ST6GALNAC3: variants seen among roughly 807,000 people sequenced by gnomAD.
ST6GALNAC3 encodes alpha-N-acetylgalactosaminide alpha-2,6-sialyltransferase 3.
Under a neutral mutation model 32.7 loss-of-function variants are expected in ST6GALNAC3, and 25 were observed. The ratio of observed to expected loss-of-function variants is 0.76; its 90% confidence interval spans 0.56 to 1.07. The LOEUF (loss-of-function observed/expected upper bound fraction) is 1.07. Ranked by LOEUF, ST6GALNAC3 falls within the 50% of genes least tolerant of loss-of-function variation. ST6GALNAC3 has a pLI of 0.00. For missense variants in ST6GALNAC3, 355 were observed against 382.4 expected (o/e 0.93, Z 0.60); for synonymous variants, 129 against 133.1 (o/e 0.97, Z 0.21).
At chr1:76,165,341 A>T (rs1292794545) in intron 1 of ST6GALNAC3, among the ~76,000 whole-genome samples, 1 of 152,072 alleles carries the variant, frequency 6.6e-6, no homozygotes, top group Non-Finnish European at 1.5e-5. Flanking sequence ...CCTGTAAAAG[A>T]TATGATCTTG....
At chr1:76,099,469 T>G (rs1442107099) in intron 1 of ST6GALNAC3, among the ~76,000 whole-genome samples, 1 of 152,194 alleles carries the variant, frequency 6.6e-6, no homozygotes, top group Non-Finnish European at 1.5e-5. Context: ...AGTATGTTTA[T>G]AAAATGTAAA....
At position 76,437,601 on chromosome 1, in the gene ST6GALNAC3, C is replaced by T. The variant is rs538189631; in HGVS notation, c.623+25184C>T. The stretch of plus-strand genomic sequence containing the variant: ...TTTTCTCTTTTTTTTTTTTTTGAGA[C>T]GGAGTCTCGCTCTGTCATCAGGCTG... On this transcript the variant is annotated intron_variant, in intron 3 of 4. Coordinates refer to ENST00000328299, the MANE Select transcript of ST6GALNAC3 (RefSeq NM_152996.4). Among the ~76,000 whole-genome samples, 9 of 134,716 alleles carry T rather than the reference C, an allele frequency of 6.7e-5. No homozygotes were observed. The East Asian group carries it at 1.5e-3, about 23-fold the overall frequency. The allele number at this position is 134,716 out of a possible 152,430, so 88.4% of individuals were successfully genotyped here. A position where few individuals can be genotyped will look rare whatever the true frequency, so the allele number is the denominator to read the frequency against.
At chr1:76,098,221 G>A (rs1481918402) in intron 1 of ST6GALNAC3, among the ~76,000 whole-genome samples, 1 of 152,192 alleles carries the variant, frequency 6.6e-6, no homozygotes, top group Non-Finnish European at 1.5e-5. Flanking sequence ...TCAGTTTTCT[G>A]CAACTTAAAT....
chr1:76,202,127 G>C (rs67740172), intron 1 of ST6GALNAC3, among the ~76,000 whole-genome samples: 12,717 of 151,956 alleles, frequency 0.084, 585 homozygotes, highest in African/African-American at 0.12. Context: ...GGGTGGCACA[G>C]AGAGAAACAA....
intron 1 of ST6GALNAC3, among the ~76,000 whole-genome samples, chr1:76,166,237 C>T (rs1200441470): frequency 6.6e-6 from 1 of 152,106 alleles, no homozygotes; most frequent in Non-Finnish European, 1.5e-5. Flanking sequence ...AGCCAATTAT[C>T]CCAGAACAAC....
At chr1:76,613,314 G>C (rs1648061514) in intron 3 of ST6GALNAC3, among the ~76,000 whole-genome samples, 1 of 152,098 alleles carries the variant, frequency 6.6e-6, no homozygotes, top group Non-Finnish European at 1.5e-5. Flanking sequence ...CCATTTTTTG[G>C]AGCTTCCTCT....
intron 1 of ST6GALNAC3, among the ~76,000 whole-genome samples, chr1:76,298,629 G>A (rs1660549816): frequency 6.6e-6 from 1 of 152,050 alleles, no homozygotes; most frequent in Non-Finnish European, 1.5e-5. Flanking sequence ...GTATCCCTTA[G>A]CAGAAGTATT....
At chr1:76,298,405 C>T (rs189414423) in intron 1 of ST6GALNAC3, among the ~76,000 whole-genome samples, 2 of 152,046 alleles carry the variant, frequency 1.3e-5, no homozygotes, top group East Asian at 3.9e-4. Flanking sequence ...TAAACCAAAT[C>T]CCAGAAGCAG....
intron 3 of ST6GALNAC3, among the ~76,000 whole-genome samples, chr1:76,537,287 A>G (rs928749779): frequency 6.6e-6 from 1 of 152,214 alleles, no homozygotes; most frequent in African/African-American, 2.4e-5. Context: ...AAAAACAAAG[A>G]GACAATGTAC....
At chr1:76,393,368 G>A (rs959142488) in intron 2 of ST6GALNAC3, among the ~76,000 whole-genome samples, 2 of 152,074 alleles carry the variant, frequency 1.3e-5, no homozygotes, top group Non-Finnish European at 2.9e-5. Context: ...GGCAGTGGGA[G>A]AACTTAGATC....
intron 3 of ST6GALNAC3, among the ~76,000 whole-genome samples, chr1:76,613,767 A>G (rs924781458): frequency 6.6e-5 from 10 of 152,072 alleles, no homozygotes; most frequent in Non-Finnish European, 7.4e-5. Flanking sequence ...TTCCGTCATG[A>G]TTGTGGGTTT....
At chr1:76,591,367 T>C (rs1239555697) in intron 3 of ST6GALNAC3, among the ~76,000 whole-genome samples, 4 of 152,156 alleles carry the variant, frequency 2.6e-5, no homozygotes, top group South Asian at 2.1e-4. Context: ...AAATTTTATT[T>C]TGATTCAAAA....
intron 1 of ST6GALNAC3, among the ~76,000 whole-genome samples, chr1:76,116,138 G>T (rs576726211): frequency 6.6e-6 from 1 of 152,146 alleles, no homozygotes; most frequent in Non-Finnish European, 1.5e-5. Flanking sequence ...TGAGGGAGAA[G>T]TGGATAGAGA....
chr1:76,112,947 A>G (rs1648167254), intron 1 of ST6GALNAC3, among the ~76,000 whole-genome samples: 1 of 152,134 alleles, frequency 6.6e-6, no homozygotes, highest in African/African-American at 2.4e-5. Flanking sequence ...GCGGCCGGGC[A>G]GAGGCTGCAA....
chr1:76,252,232 G>A (rs1181136043), intron 1 of ST6GALNAC3, among the ~76,000 whole-genome samples: 1 of 152,132 alleles, frequency 6.6e-6, no homozygotes, highest in African/African-American at 2.4e-5. Flanking sequence ...TTGGACACTG[G>A]CTTTAGAAGT....
intron 1 of ST6GALNAC3, among the ~76,000 whole-genome samples, chr1:76,112,987 A>G (rs916891040): frequency 5.3e-4 from 81 of 152,100 alleles, no homozygotes; most frequent in Middle Eastern, 3.4e-3. Flanking sequence ...CAAGGCAGGC[A>G]GCTGGGAGGT....
chr1:76,169,256 A>G (rs559137364), intron 1 of ST6GALNAC3, among the ~76,000 whole-genome samples: 1 of 152,226 alleles, frequency 6.6e-6, no homozygotes, highest in South Asian at 2.1e-4. Flanking sequence ...TCTTTTCTTT[A>G]AGAATGTTGA....
chr1:76,355,413 C>A (rs1649356384), intron 2 of ST6GALNAC3, among the ~76,000 whole-genome samples: 1 of 152,036 alleles, frequency 6.6e-6, no homozygotes, highest in African/African-American at 2.4e-5. Context: ...TTGAGATGTG[C>A]ATTGTGACTT....
chr1:76,510,174 G>C (rs145761343), intron 3 of ST6GALNAC3, among the ~76,000 whole-genome samples: 69 of 152,250 alleles, frequency 4.5e-4, no homozygotes, highest in Admixed American at 2.3e-3. Flanking sequence ...TTCCCTGTTA[G>C]AGTAAGTAAT....
Sources: gnomAD v4.1 joint callset for allele counts (sites outside exome capture counted in the v4.1 genomes callset) on GRCh38, gnomAD v4.1.1 for gene constraint, MANE v1.5 for transcripts, NCBI Gene and HGNC (gene_info 2026-07-23, HGNC 2026-07-21) for gene names.